The following HHAT variants were observed in gnomAD, a reference collection of about 807,000 sequenced individuals.
The protein encoded by HHAT is protein-cysteine N-palmitoyltransferase HHAT.
HHAT carries 47 observed loss-of-function variants against 70.8 expected under a neutral mutation model. The ratio of observed to expected loss-of-function variants is 0.66; its 90% confidence interval spans 0.53 to 0.85. The LOEUF (loss-of-function observed/expected upper bound fraction) is 0.85. Among genes scored for constraint, HHAT ranks in the 40% least tolerant of loss-of-function variants. HHAT has a pLI of 0.00. For synonymous variants in HHAT, 228 were observed against 247.6 expected, an observed-to-expected ratio of 0.92 and a Z score of 0.74; for missense variants, 609 against 604.8, an observed-to-expected ratio of 1.01 and a Z score of -0.07.
In HHAT at chr1:210,387,513, CA is replaced by C; in HGVS notation, c.206del (p.Gln69ArgfsTer12). 6.2e-7 allele frequency: 1 copy of C among 1,614,138 alleles called. No homozygotes were observed. The highest frequency in any genetic ancestry group is 1.6e-4 in the Middle Eastern group (1 of 6,062). ...EWSFWMEWGK[Q>X]WLVWLLLGHM... is the part of the protein sequence containing the mutation. ...GAGCTTCTGGATGGAATGGGGGAAG[CA>C]GTGGCTGGTGTGGCTTCTCCTTGGC... On this transcript the variant is annotated frameshift_variant, in exon 4 of 12. Transcript: ENST00000261458. LOFTEE classifies it high-confidence loss of function.
At chr1:210,566,505 A>G (rs141138036) in intron 9 of HHAT, among the ~76,000 whole-genome samples, 1 of 152,230 alleles carries the variant, frequency 6.6e-6, no homozygotes, top group African/African-American at 2.4e-5. Flanking sequence ...CTGTACCCAT[A>G]TAAACCCCAA....
chr1:210,404,183 C>T (rs1467262030), intron 5 of HHAT, among the ~76,000 whole-genome samples: 8 of 152,258 alleles, frequency 5.3e-5, no homozygotes, highest in Non-Finnish European at 8.8e-5. Context: ...GGAAAACCTT[C>T]GTTATGTTGT....
chr1:210,450,960 A>T (rs7541460), intron 7 of HHAT, among the ~76,000 whole-genome samples: 27 of 151,476 alleles, frequency 1.8e-4, no homozygotes, highest in African/African-American at 6.6e-4. Flanking sequence ...GGTGGTGGGC[A>T]CCTGTAGTCC....
intron 9 of HHAT, among the ~76,000 whole-genome samples, chr1:210,519,771 T>C (rs2095122795): frequency 6.6e-6 from 1 of 151,190 alleles, no homozygotes; most frequent in Non-Finnish European, 1.5e-5. Flanking sequence ...CAAGCGATTC[T>C]CCTGCCTTGG....
intron 8 of HHAT, among the ~76,000 whole-genome samples, chr1:210,479,905 C>T (rs536640857): frequency 9.9e-5 from 15 of 152,158 alleles, no homozygotes; most frequent in African/African-American, 3.1e-4. Flanking sequence ...CCAGCAGACT[C>T]GGAGTCACAT....
intron 9 of HHAT, among the ~76,000 whole-genome samples, chr1:210,547,887 T>C (rs992566140): frequency 1.3e-5 from 2 of 152,198 alleles, no homozygotes; most frequent in South Asian, 4.1e-4. Flanking sequence ...CTTAAGTGTG[T>C]GTGTACACAG....
chr1:210,472,867 G>T (rs980588549), intron 8 of HHAT, among the ~76,000 whole-genome samples: 2 of 152,190 alleles, frequency 1.3e-5, no homozygotes, highest in Non-Finnish European at 1.5e-5. Flanking sequence ...AAGATTTTCT[G>T]ATTAACTATT....
At chr1:210,463,915 ATATG>A (rs2094037029) in intron 7 of HHAT, among the ~76,000 whole-genome samples, 1 of 152,192 alleles carries the variant, frequency 6.6e-6, no homozygotes, top group African/African-American at 2.4e-5. Flanking sequence ...GTAGATGTGT[ATATG>A]TATGAGGTGT....
chr1:210,479,392 A>G (rs75296369), intron 8 of HHAT, among the ~76,000 whole-genome samples: 2,051 of 152,334 alleles, frequency 0.013, 55 homozygotes, highest in African/African-American at 0.047. Context: ...GTCACAAGAC[A>G]GGCATGACCA....
At chr1:210,645,953 T>C (rs183353242) in intron 11 of HHAT, among the ~76,000 whole-genome samples, 85 of 152,312 alleles carry the variant, frequency 5.6e-4, no homozygotes, top group African/African-American at 2.0e-3. Context: ...ATCAGGAGTT[T>C]AGCCTCCCTG....
chr1:210,367,980 TG>T (rs2089174498), intron 3 of HHAT, among the ~76,000 whole-genome samples: 1 of 145,654 alleles, frequency 6.9e-6, no homozygotes, highest in Non-Finnish European at 1.5e-5. Flanking sequence ...TGCTGGGTTC[TG>T]GGGTGATCTG....
intron 3 of HHAT, among the ~76,000 whole-genome samples, chr1:210,375,651 A>T (rs55760967): frequency 6.6e-6 from 1 of 151,664 alleles, no homozygotes. Context: ...GCTTTTTGCC[A>T]AATTTGGAGA....
At chr1:210,674,178 C>T in intron 11 of HHAT, 110 bp from the exon 12 acceptor site, 1 of 816,044 alleles carries the variant, frequency 1.2e-6, no homozygotes, top group Non-Finnish European at 2.1e-6. Context: ...TTCCTGGAGG[C>T]CTTTGTTGTT....
chr1:210,405,642 A>G (rs1283330688), intron 6 of HHAT, among the ~76,000 whole-genome samples: 1 of 152,172 alleles, frequency 6.6e-6, no homozygotes, highest in African/African-American at 2.4e-5. Context: ...GTTCTTAGAA[A>G]TCTTATTTTG....
intron 8 of HHAT, among the ~76,000 whole-genome samples, chr1:210,482,014 G>T (rs2501886): frequency 2.6e-5 from 4 of 151,986 alleles, no homozygotes; most frequent in South Asian, 2.1e-4. Flanking sequence ...AGACGAGGGT[G>T]GGGGAGTGGA....
chr1:210,330,095 T>A (rs550642391), intron 1 of HHAT, among the ~76,000 whole-genome samples: 1 of 152,308 alleles, frequency 6.6e-6, no homozygotes, highest in South Asian at 2.1e-4. Context: ...GATTAAGTGC[T>A]ATGGGAATGC....
chr1:210,383,353 A>G (rs943428105), intron 3 of HHAT, among the ~76,000 whole-genome samples: 10 of 152,268 alleles, frequency 6.6e-5, no homozygotes, highest in African/African-American at 2.4e-4. Flanking sequence ...AGAGCTTCAA[A>G]TCACTGACGA....
chr1:210,615,847 AC>A (rs760304562), intron 10 of HHAT, among the ~76,000 whole-genome samples: 1 of 152,220 alleles, frequency 6.6e-6, no homozygotes, highest in East Asian at 1.9e-4. Context: ...GTCTGCCCCT[AC>A]TGGGGGGTGC....
chr1:210,435,810 T>A (rs751822514), intron 7 of HHAT, among the ~76,000 whole-genome samples: 2 of 151,866 alleles, frequency 1.3e-5, no homozygotes, highest in Non-Finnish European at 2.9e-5. Flanking sequence ...TTAAATGGGA[T>A]TCTTTCTTTT....
Sources: allele counts gnomAD v4.1 joint callset (sites outside exome capture counted in the v4.1 genomes callset), GRCh38; gene constraint gnomAD v4.1.1; transcripts MANE v1.5; gene names NCBI Gene and HGNC (gene_info 2026-07-23, HGNC 2026-07-21).